CLDN10: variants seen among roughly 807,000 people sequenced by gnomAD.
CLDN10 encodes claudin 10, also known as claudin-10.
A neutral mutation model predicts 22.9 loss-of-function variants in CLDN10; 15 were observed. That is an observed-to-expected ratio of 0.65 (90% confidence interval 0.44 to 1.01). The LOEUF is 1.01. Among genes scored for constraint, CLDN10 ranks in the 50% least tolerant of loss-of-function variants. The pLI, the probability that CLDN10 is intolerant of heterozygous loss-of-function variation, is 0.00. For synonymous variants in CLDN10, 114 were observed against 111.4 expected (o/e 1.02, Z -0.15); for missense variants, 247 against 287.8 (o/e 0.86, Z 1.03).
At chr13:95,463,468 G>T (rs1291716255) in intron 1 of CLDN10, among the ~76,000 whole-genome samples, 28 of 148,686 alleles carry the variant, frequency 1.9e-4, no homozygotes, top group Non-Finnish European at 3.7e-4. Flanking sequence ...GAGTGGCTGG[G>T]TCTACAGGCA....
intron 1 of CLDN10, among the ~76,000 whole-genome samples, chr13:95,538,029 A>T (rs914483706): frequency 6.6e-6 from 1 of 152,140 alleles, no homozygotes; most frequent in African/African-American, 2.4e-5. Context: ...CCAGTCTAAA[A>T]CAACGTTGCC....
chr13:95,516,455 A>T (rs112828556), intron 1 of CLDN10, among the ~76,000 whole-genome samples: 64 of 152,362 alleles, frequency 4.2e-4, no homozygotes, highest in African/African-American at 1.5e-3. Flanking sequence ...AGACAACTTC[A>T]AATGAATGGC....
chr13:95,544,374 T>C (rs1373621695), intron 1 of CLDN10, among the ~76,000 whole-genome samples: 1 of 152,194 alleles, frequency 6.6e-6, no homozygotes, highest in Non-Finnish European at 1.5e-5. Context: ...ATTACATATA[T>C]GGATGAATTG....
intron 1 of CLDN10, among the ~76,000 whole-genome samples, chr13:95,471,416 T>TACACACACACAC (rs1355860426): frequency 2.6e-5 from 3 of 115,316 alleles, no homozygotes; most frequent in African/African-American, 1.0e-4. Flanking sequence ...CACACACACA[T>TACACACACACAC]ATACACACAC....
At chr13:95,567,625 C>T (rs1291706732) in intron 3 of CLDN10, among the ~76,000 whole-genome samples, 4 of 152,176 alleles carry the variant, frequency 2.6e-5, no homozygotes, top group African/African-American at 9.7e-5. Flanking sequence ...CTTTCTCTTG[C>T]CTGATTGCCC....
chr13:95,521,328 C>T (rs2043222539), intron 1 of CLDN10, among the ~76,000 whole-genome samples: 1 of 152,168 alleles, frequency 6.6e-6, no homozygotes, highest in Non-Finnish European at 1.5e-5. Flanking sequence ...TGTGTATCTA[C>T]TTTCATCAGA....
chr13:95,528,107 T>C (rs1481278471), intron 1 of CLDN10, among the ~76,000 whole-genome samples: 1 of 152,180 alleles, frequency 6.6e-6, no homozygotes, highest in Non-Finnish European at 1.5e-5. Context: ...AATGCCACCA[T>C]ATACAAGTTG....
At chr13:95,562,305 T>G (rs951736879) in intron 3 of CLDN10, among the ~76,000 whole-genome samples, 3 of 151,974 alleles carry the variant, frequency 2.0e-5, no homozygotes, top group African/African-American at 7.3e-5. Flanking sequence ...GCTCCTGATC[T>G]TCAATGATCC....
intron 3 of CLDN10, among the ~76,000 whole-genome samples, chr13:95,569,943 T>C (rs2043834226): frequency 6.6e-6 from 1 of 152,176 alleles, no homozygotes; most frequent in Admixed American, 6.5e-5. Context: ...TAATTTTTTA[T>C]ATTTTTAGTA....
chr13:95,531,366 C>A (rs889391560), intron 1 of CLDN10, among the ~76,000 whole-genome samples: 1 of 152,108 alleles, frequency 6.6e-6, no homozygotes, highest in African/African-American at 2.4e-5. Context: ...AAAGTTATAT[C>A]CCTGAAAGAG....
chr13:95,464,103 T>C (rs983664987), intron 1 of CLDN10, among the ~76,000 whole-genome samples: 1 of 150,436 alleles, frequency 6.6e-6, no homozygotes, highest in Non-Finnish European at 1.5e-5. Flanking sequence ...TTTAAATATA[T>C]ATATATATAT....
At chr13:95,516,849 G>A (rs576628441) in intron 1 of CLDN10, among the ~76,000 whole-genome samples, 2 of 152,098 alleles carry the variant, frequency 1.3e-5, no homozygotes, top group Non-Finnish European at 2.9e-5. Flanking sequence ...TAATCAGAAT[G>A]TGTGTGGGAG....
At chr13:95,439,747 T>A (rs1200078931) in intron 1 of CLDN10, among the ~76,000 whole-genome samples, 1 of 152,144 alleles carries the variant, frequency 6.6e-6, no homozygotes, top group Non-Finnish European at 1.5e-5. Context: ...GGGGTTATGA[T>A]TTCCACATAT....
At chr13:95,540,327 A>C (rs1404600022) in intron 1 of CLDN10, among the ~76,000 whole-genome samples, 1 of 150,818 alleles carries the variant, frequency 6.6e-6, no homozygotes, top group African/African-American at 2.4e-5. Context: ...TAAATAAATA[A>C]ATAAATAAAT....
upstream of CLDN10, among the ~76,000 whole-genome samples, chr13:95,550,311 AC>A (rs1397811934): frequency 3.3e-5 from 5 of 152,364 alleles, no homozygotes; most frequent in South Asian, 2.1e-4. Flanking sequence ...TTTCTTTAAA[AC>A]AAACAATGTG....
At chr13:95,532,353 C>T (rs1240911421) in intron 1 of CLDN10, among the ~76,000 whole-genome samples, 1 of 151,982 alleles carries the variant, frequency 6.6e-6, no homozygotes, top group Non-Finnish European at 1.5e-5. Flanking sequence ...AGGCACTTCA[C>T]AAAAGAAGGT....
At chr13:95,571,810 AGT>A (rs1456846528) in intron 3 of CLDN10, among the ~76,000 whole-genome samples, 3 of 152,206 alleles carry the variant, frequency 2.0e-5, no homozygotes, top group Non-Finnish European at 2.9e-5. Flanking sequence ...ATAATATATG[AGT>A]GTACTTTCTG....
rs1217974692 is a variant in CLDN10, at chr13:95,552,737, C to A, written c.-17C>A. 6.2e-7 allele frequency: 1 copy of A among 1,602,824 alleles called. No homozygotes were observed. Among genetic ancestry groups the A allele is most frequent in the South Asian group, 1.1e-5 (1 of 90,102 alleles). On this transcript the variant is annotated 5_prime_UTR_variant, in exon 1 of 5. Coordinates refer to ENST00000299339, the MANE Select transcript of CLDN10 (RefSeq NM_006984.5). ...CAGAGTGGGAGCCGGAGAGCGAGCG[C>A]GGCTGCAGCCGGCGGCATGGCTAGC... is the stretch of plus-strand genomic sequence containing the variant.
intron 1 of CLDN10, among the ~76,000 whole-genome samples, chr13:95,455,891 G>C (rs1015743798): frequency 6.6e-6 from 1 of 152,146 alleles, no homozygotes; most frequent in African/African-American, 2.4e-5. Flanking sequence ...TTTCATACAG[G>C]TCACACTCCC....
Sources: gnomAD v4.1 joint callset for allele counts (sites outside exome capture counted in the v4.1 genomes callset) on GRCh38, gnomAD v4.1.1 for gene constraint, MANE v1.5 for transcripts, NCBI Gene and HGNC (gene_info 2026-07-23, HGNC 2026-07-21) for gene names.